Variants in ABCG8 observed in about 807,000 individuals in gnomAD.
The protein encoded by ABCG8 is ATP binding cassette subfamily G member 8.
In ABCG8, 81 loss-of-function variants were observed where a neutral mutation model predicts 71.3. The observed-to-expected ratio is 1.14, with a 90% CI of 0.95 to 1.37. The LOEUF is 1.37. Among genes scored for constraint, ABCG8 ranks in the 40% most tolerant of loss-of-function variants. The probability of loss-of-function intolerance (pLI) is 0.00; values close to 1 mark genes in which losing one functional copy is unlikely to be tolerated. For missense variants in ABCG8, 1,119 were observed against 866.2 expected (o/e 1.29, Z -3.66); for synonymous variants, 451 against 354.7 (o/e 1.27, Z -3.05).
chr2:43,872,671 T>G (rs1669823125), intron 8 of ABCG8, among the ~76,000 whole-genome samples: 1 of 152,124 alleles, frequency 6.6e-6, no homozygotes, highest in Admixed American at 6.6e-5. Flanking sequence ...TGATTGCACC[T>G]TCACTCCAGC....
intron 10 of ABCG8, 135 bp downstream of exon 10, chr2:43,874,618 T>C: frequency 1.3e-6 from 1 of 761,052 alleles, no homozygotes; most frequent in Non-Finnish European, 2.4e-6. Flanking sequence ...TGCCACCAGA[T>C]GCCACATTTT....
intron 9 of ABCG8, 106 bp downstream of exon 9, chr2:43,874,092 A>G (rs891021315): frequency 1.7e-6 from 2 of 1,183,016 alleles, no homozygotes; most frequent in Non-Finnish European, 2.5e-6. Flanking sequence ...ATTGTGATAT[A>G]TAAGACAATA....
chr2:43,865,150 C>T (rs1213764213), intron 6 of ABCG8, among the ~76,000 whole-genome samples: 2 of 151,726 alleles, frequency 1.3e-5, no homozygotes, highest in Admixed American at 6.6e-5. Context: ...ATGGAACTCT[C>T]ACTATCTGTC....
In ABCG8 at chr2:43,878,261, T is replaced by C; in HGVS notation, c.*348T>C. On this transcript the variant is annotated 3_prime_UTR_variant, in exon 13 of 13. Coordinates refer to ENST00000272286, the MANE Select transcript of ABCG8 (RefSeq NM_022437.3). Reference sequence around the variant, plus strand: ...AGGAATGAATTGGGTAGCTAGACTGTGCAGGAATTGTTGGAACCTGGAGGG... The same window carrying C: ...AGGAATGAATTGGGTAGCTAGACTGCGCAGGAATTGTTGGAACCTGGAGGG... 2.8e-6 allele frequency: 1 copy of C among 359,198 alleles called. No individual in the cohort carries two copies. Among genetic ancestry groups the C allele is most frequent in the South Asian group, 2.3e-5 (1 of 43,946 alleles). 22.3% of individuals were successfully genotyped at this position (359,198 alleles called of 1,614,324 possible).
rs186979577 is a variant in ABCG8 at position 43,849,516 on chromosome 2, G to A, written c.323-2068G>A. Among the ~76,000 whole-genome samples, 185 of 152,218 alleles carry A rather than the reference G, an allele frequency of 1.2e-3. 1 individual carries two copies. Among genetic ancestry groups the A allele is most frequent in the Non-Finnish European group, 4.6e-4 (31 of 68,006 alleles). Reference sequence around the variant, plus strand: ...TCACCTCCCACCAGATCCCTCCCTCGACACGTGGGGATTACAATTTCGGAT... The same window carrying A: ...TCACCTCCCACCAGATCCCTCCCTCAACACGTGGGGATTACAATTTCGGAT... On this transcript the variant is annotated intron_variant, in intron 3 of 12. Transcript: ENST00000272286.
intron 3 of ABCG8, among the ~76,000 whole-genome samples, chr2:43,849,371 G>A (rs1054144339): frequency 1.4e-4 from 21 of 152,294 alleles, no homozygotes; most frequent in Admixed American, 2.6e-4. Context: ...TTACATGGTG[G>A]CAGGAGAGAA....
intron 11 of ABCG8, 35 bp from the exon 12 acceptor site, chr2:43,877,526 G>A (rs768393706): frequency 6.2e-7 from 1 of 1,612,606 alleles, no homozygotes; most frequent in Non-Finnish European, 8.5e-7. Context: ...AGAATATGAG[G>A]GACACCTGTG....
Position 43,842,069 on chromosome 2 carries a change from C to T in ABCG8, c.64-2438C>T, listed in dbSNP as rs186312054. ...TGGCCCAGGCTGGAGTGCAGAGGCACGATCTCGGCTCCCTGCACCTCCACC... is the reference window on the plus strand; with the variant it reads ...TGGCCCAGGCTGGAGTGCAGAGGCATGATCTCGGCTCCCTGCACCTCCACC... On this transcript the variant is annotated intron_variant, in intron 1 of 12. Coordinates refer to ENST00000272286, the MANE Select transcript of ABCG8 (RefSeq NM_022437.3). 2.4e-3 allele frequency among the ~76,000 whole-genome samples: 360 copies of T among 152,098 alleles called. 1 individual carries two copies. Among genetic ancestry groups the T allele is most frequent in the African/African-American group, 7.9e-3 (329 of 41,492 alleles).
At chr2:43,860,284 C>G (rs187868995) in intron 6 of ABCG8, among the ~76,000 whole-genome samples, 1 of 150,574 alleles carries the variant, frequency 6.6e-6, no homozygotes, top group Non-Finnish European at 1.5e-5. Context: ...AGAATTCTTA[C>G]ACTCTGGATA....
At chr2:43,846,000 G>A (rs548221057) in intron 2 of ABCG8, among the ~76,000 whole-genome samples, 155 bp from the exon 3 acceptor site, 1 of 152,200 alleles carries the variant, frequency 6.6e-6, no homozygotes, top group Non-Finnish European at 1.5e-5. Context: ...CTGCTTCCGT[G>A]TTTGGTAGAA....
intron 3 of ABCG8, among the ~76,000 whole-genome samples, chr2:43,849,309 C>G (rs1158491431): frequency 6.6e-6 from 1 of 151,956 alleles, no homozygotes; most frequent in Admixed American, 6.6e-5. Flanking sequence ...GCTGGGGAGG[C>G]CTCAGGAAAC....
chr2:43,852,969 C>G, intron 6 of ABCG8, 101 bp downstream of exon 6: 1 of 1,362,012 alleles, frequency 7.3e-7, no homozygotes, highest in Admixed American at 1.8e-5. Context: ...GAGAAACTCC[C>G]AGAGGTTTCA....
intron 6 of ABCG8, among the ~76,000 whole-genome samples, chr2:43,860,221 C>T (rs1669260223): frequency 6.7e-6 from 1 of 150,078 alleles, no homozygotes; most frequent in Non-Finnish European, 1.5e-5. Flanking sequence ...GGATAAAACT[C>T]TCACTCTCTG....
chr2:43,878,606 G>A lies in ABCG8; in HGVS notation c.*693G>A. ...GATACTTTGTGGTGGAGTCATATGGGGATCAGAAAAGCCTTTGAGGCCTTT... is the reference window on the plus strand; with the variant it reads ...GATACTTTGTGGTGGAGTCATATGGAGATCAGAAAAGCCTTTGAGGCCTTT... On this transcript the variant is annotated 3_prime_UTR_variant, in exon 13 of 13. Transcript: ENST00000272286. 1 of 158,614 alleles carries A rather than the reference G, an allele frequency of 6.3e-6. No individual in the cohort carries two copies. The highest frequency in any genetic ancestry group is 5.9e-5 in the Admixed American group (1 of 16,958). 9.8% of individuals were successfully genotyped at this position (158,614 alleles called of 1,614,324 possible).
chr2:43,867,307 T>G (rs1034503578), intron 6 of ABCG8, among the ~76,000 whole-genome samples: 11 of 151,080 alleles, frequency 7.3e-5, no homozygotes, highest in Non-Finnish European at 1.6e-4. Context: ...GTAACTAACC[T>G]GCACATTGTG....
intron 1 of ABCG8, among the ~76,000 whole-genome samples, chr2:43,844,000 G>A (rs1398224849): frequency 6.6e-6 from 1 of 152,118 alleles, no homozygotes; most frequent in African/African-American, 2.4e-5. Flanking sequence ...TTTTTCTCAG[G>A]GTGGTATCTT....
chr2:43,875,358 C>A lies in ABCG8; in HGVS notation c.1701C>A (p.Tyr567Ter), dbSNP rs770543686. The A allele has an allele frequency of 1.9e-6, 3 of 1,614,170 alleles. No homozygotes were observed. The highest frequency in any genetic ancestry group is 3.3e-5 in the Admixed American group (2 of 60,034). ...CCTCCTTCTTCAGCAATGCCCTCTA[C>A]AACTCCTTCTACCTCGCCGGGGGCT... Reference protein sequence around the residue: ...HMASFFSNALYNSFYLAGGFM... With the variant: ...HMASFFSNAL Residue 567 changes from tyrosine to a stop codon, truncating the protein, a stop_gained, in exon 11 of 13, where the codon TAC (tyrosine) becomes TAA (stop). Transcript: ENST00000272286. LOFTEE classifies it high-confidence loss of function.
At chr2:43,877,210 C>A (rs974723159) in intron 11 of ABCG8, among the ~76,000 whole-genome samples, 3 of 144,152 alleles carry the variant, frequency 2.1e-5, no homozygotes, top group Non-Finnish European at 3.0e-5. Flanking sequence ...ATGGGGAGAC[C>A]ATGGGAATAT....
At chr2:43,869,862 T>C (rs947724224) in intron 6 of ABCG8, among the ~76,000 whole-genome samples, 5 of 151,880 alleles carry the variant, frequency 3.3e-5, no homozygotes, top group Non-Finnish European at 5.9e-5. Context: ...ACTCTCACTA[T>C]CTATGTAGAC....
Sources: gnomAD v4.1 joint callset for allele counts (sites outside exome capture counted in the v4.1 genomes callset) on GRCh38, gnomAD v4.1.1 for gene constraint, MANE v1.5 for transcripts, NCBI Gene and HGNC (gene_info 2026-07-23, HGNC 2026-07-21) for gene names.